Variants in CACNA2D3 observed in about 807,000 individuals in gnomAD.
The protein encoded by CACNA2D3 is calcium voltage-gated channel auxiliary subunit alpha2delta 3.
Under a neutral mutation model 160.6 loss-of-function variants are expected in CACNA2D3, and 60 were observed. The observed-to-expected ratio is 0.37, with a 90% CI of 0.30 to 0.46. The LOEUF (loss-of-function observed/expected upper bound fraction) is 0.46, where lower values mean the gene tolerates loss of function less well. Ranked by LOEUF, CACNA2D3 falls within the 20% of genes least tolerant of loss-of-function variation. CACNA2D3 has a pLI of 1.00. For missense variants in CACNA2D3, 1,205 were observed against 1,365.0 expected, an observed-to-expected ratio of 0.88 and a Z score of 1.85; for synonymous variants, 558 against 492.9, an observed-to-expected ratio of 1.13 and a Z score of -1.75.
intron 2 of CACNA2D3, among the ~76,000 whole-genome samples, chr3:54,207,415 C>G (rs1390548268): frequency 6.8e-6 from 1 of 147,566 alleles, no homozygotes; most frequent in African/African-American, 2.5e-5. Flanking sequence ...TTTGACACCA[C>G]TGTAATCCGG....
At chr3:54,983,766 G>C (rs1301391752) in intron 29 of CACNA2D3, among the ~76,000 whole-genome samples, 3 of 152,198 alleles carry the variant, frequency 2.0e-5, no homozygotes, top group African/African-American at 2.4e-5. Flanking sequence ...ATTTAGCTCA[G>C]AGTAAAGATA....
intron 9 of CACNA2D3, among the ~76,000 whole-genome samples, chr3:54,587,673 T>G (rs1702786868): frequency 6.6e-6 from 1 of 152,084 alleles, no homozygotes; most frequent in Admixed American, 6.5e-5. Flanking sequence ...GATAATAAAA[T>G]ACTATTGTAA....
chr3:54,483,913 T>C (rs1298848029), intron 4 of CACNA2D3, among the ~76,000 whole-genome samples: 3 of 152,242 alleles, frequency 2.0e-5, no homozygotes, highest in Non-Finnish European at 4.4e-5. Flanking sequence ...TTCTATAAGA[T>C]ATTGTTAAAT....
intron 2 of CACNA2D3, among the ~76,000 whole-genome samples, chr3:54,289,929 A>G (rs1452464849): frequency 2.6e-5 from 4 of 152,128 alleles, no homozygotes; most frequent in African/African-American, 9.7e-5. Context: ...AAAGATTTAC[A>G]TGTTAGACCT....
intron 14 of CACNA2D3, among the ~76,000 whole-genome samples, chr3:54,821,611 A>G (rs1703592821): frequency 6.6e-6 from 1 of 151,996 alleles, no homozygotes; most frequent in South Asian, 2.1e-4. Context: ...GGAGGAATAA[A>G]TGGAAGCCTT....
At chr3:54,494,142 T>C (rs1261688605) in intron 4 of CACNA2D3, among the ~76,000 whole-genome samples, 1 of 152,190 alleles carries the variant, frequency 6.6e-6, no homozygotes, top group Non-Finnish European at 1.5e-5. Flanking sequence ...TTAAATTTAC[T>C]CGGATGACAT....
At chr3:54,654,977 C>T (rs564681692) in intron 11 of CACNA2D3, among the ~76,000 whole-genome samples, 1 of 152,284 alleles carries the variant, frequency 6.6e-6, no homozygotes, top group East Asian at 1.9e-4. Context: ...GAATAGCTGA[C>T]AAAGCAGAAA....
At chr3:54,905,706 T>A (rs1307198713) in intron 27 of CACNA2D3, among the ~76,000 whole-genome samples, 3 of 152,102 alleles carry the variant, frequency 2.0e-5, no homozygotes, top group Non-Finnish European at 4.4e-5. Flanking sequence ...TGGCATCTAG[T>A]GGGTAGAGGT....
chr3:54,490,611 C>A lies in CACNA2D3; in HGVS notation c.382-12881C>A, dbSNP rs1281242949. Among the ~76,000 whole-genome samples the A allele has an allele frequency of 1.3e-5, 2 of 152,202 alleles. 1 individual carries two copies. The highest frequency in any genetic ancestry group is 1.3e-4 in the Admixed American group (2 of 15,286). Reference sequence around the variant, plus strand: ...ACCTTTGACTGAGGACCTCTGGGCACTGTGCCTGGTGCCAGGACTGTGGAG... The same window carrying A: ...ACCTTTGACTGAGGACCTCTGGGCAATGTGCCTGGTGCCAGGACTGTGGAG... On this transcript the variant is annotated intron_variant, in intron 4 of 37. Transcript: ENST00000474759.
chr3:54,592,661 G>T (rs1163316959), intron 9 of CACNA2D3, among the ~76,000 whole-genome samples: 1 of 152,038 alleles, frequency 6.6e-6, no homozygotes, highest in Non-Finnish European at 1.5e-5. Context: ...TTTTTCTCTG[G>T]TTTTATAATG....
At chr3:54,546,038 C>T in intron 5 of CACNA2D3, among the ~76,000 whole-genome samples, 1 of 152,254 alleles carries the variant, frequency 6.6e-6, no homozygotes, top group South Asian at 2.1e-4. Context: ...CTGAAGATCC[C>T]CTATTCTGCC....
intron 4 of CACNA2D3, among the ~76,000 whole-genome samples, chr3:54,478,679 T>TATATATATATATATATA (rs1559493334): frequency 2.1e-5 from 1 of 47,762 alleles, no homozygotes; most frequent in African/African-American, 6.8e-5. Context: ...TATATATATA[T>TATATATATATATATATA]TGCTTGTCAT....
In CACNA2D3 at chr3:54,873,392, T is replaced by G. The variant is rs576674604; in HGVS notation, c.1710+1770T>G. On this transcript the variant is annotated intron_variant, in intron 18 of 37. Coordinates refer to ENST00000474759, the MANE Select transcript of CACNA2D3 (RefSeq NM_018398.3). ...TCTTCACTTTATCTGTTGATTTATT[T>G]TTTTTGTTGTTTGCTTGTTTGTGAC... Among the ~76,000 whole-genome samples, 348 of 149,858 alleles carry G rather than the reference T, an allele frequency of 2.3e-3. 2 individuals are homozygous for G. The highest frequency in any genetic ancestry group is 8.4e-3 in the African/African-American group (334 of 39,674).
rs764284460 is a variant in CACNA2D3 at position 54,885,624 on chromosome 3, G to A, written c.2056+38G>A. 4.7e-6 allele frequency: 7 copies of A among 1,503,846 alleles called. No homozygotes were observed. In the Admixed American group the frequency reaches 1.2e-4, roughly 27 times the overall value. The allele number at this position is 1,503,846 out of a possible 1,614,324, so 93.2% of individuals were successfully genotyped here. The stretch of plus-strand genomic sequence containing the variant: ...TCAAAAGTGTGCTGTGCCTTCAGGG[G>A]TGATGGTGGGGAATGAACTCAAAAC... On this transcript the variant is annotated intron_variant, in intron 23 of 37. Coordinates refer to ENST00000474759, the MANE Select transcript of CACNA2D3 (RefSeq NM_018398.3).
At position 54,816,887 on chromosome 3, in the gene CACNA2D3, C is replaced by T. The variant is rs1334433654; in HGVS notation, c.1398+17C>T. Reference sequence around the variant, plus strand: ...GCACAAAAGGTAAATTCTCTTCTGTCACATTCCAGTCACCCCCAGAACTCA... The same window carrying T: ...GCACAAAAGGTAAATTCTCTTCTGTTACATTCCAGTCACCCCCAGAACTCA... On this transcript the variant is annotated intron_variant, in intron 14 of 37. Coordinates refer to ENST00000474759, the MANE Select transcript of CACNA2D3 (RefSeq NM_018398.3). 1.2e-6 allele frequency: 2 copies of T among 1,613,586 alleles called. No individual in the cohort carries two copies. The highest frequency in any genetic ancestry group is 1.3e-5 in the African/African-American group (1 of 74,924).
intron 2 of CACNA2D3, among the ~76,000 whole-genome samples, chr3:54,269,029 G>A (rs190026950): frequency 1.5e-3 from 232 of 152,298 alleles, no homozygotes; most frequent in African/African-American, 5.0e-3. Context: ...ACCTGATGTG[G>A]AGAGAAGAGT....
chr3:54,682,887 C>T (rs1269888267), intron 11 of CACNA2D3, among the ~76,000 whole-genome samples: 2 of 152,036 alleles, frequency 1.3e-5, no homozygotes, highest in South Asian at 2.1e-4. Context: ...TCTCTGAAGT[C>T]GAGTCAGTCT....
At chr3:54,643,870 G>T (rs1279659562) in intron 11 of CACNA2D3, among the ~76,000 whole-genome samples, 5 of 152,304 alleles carry the variant, frequency 3.3e-5, no homozygotes, top group Admixed American at 3.3e-4. Context: ...TGGACATTTT[G>T]CAGCCAAATA....
intron 27 of CACNA2D3, among the ~76,000 whole-genome samples, chr3:54,965,187 A>C (rs986329446): frequency 6.6e-6 from 1 of 152,172 alleles, no homozygotes; most frequent in East Asian, 1.9e-4. Context: ...GTGCTGCAAG[A>C]AAACTTTATT....
Sources: gnomAD v4.1 joint callset for allele counts (sites outside exome capture counted in the v4.1 genomes callset) on GRCh38, gnomAD v4.1.1 for gene constraint, MANE v1.5 for transcripts, NCBI Gene and HGNC (gene_info 2026-07-23, HGNC 2026-07-21) for gene names.